The following TMEM70 variants were observed in gnomAD, a reference collection of about 807,000 sequenced individuals.
TMEM70 encodes the protein transmembrane protein 70.
In TMEM70, 15 loss-of-function variants were observed where a neutral mutation model predicts 20.5. The observed-to-expected ratio is 0.73, with a 90% CI of 0.49 to 1.13. The LOEUF (loss-of-function observed/expected upper bound fraction) is 1.13. Ranked by LOEUF, TMEM70 falls within the 50% of genes most tolerant of loss-of-function variation. TMEM70 has a pLI of 0.00. For synonymous variants in TMEM70, 141 were observed against 134.2 expected (o/e 1.05, Z -0.35); for missense variants, 344 against 331.7 (o/e 1.04, Z -0.29).
rs1244926644 is a variant in TMEM70 at position 73,982,731 on chromosome 8, G to C, written c.*1110G>C. On this transcript the variant is annotated 3_prime_UTR_variant, in exon 3 of 3. Transcript: ENST00000312184. ...TTCTGCAACTGTGCACTCCTCCCTTGGTGGCACCCTATGGGTGTAGGAAAA... is the reference window on the plus strand; with the variant it reads ...TTCTGCAACTGTGCACTCCTCCCTTCGTGGCACCCTATGGGTGTAGGAAAA... The C allele has an allele frequency of 6.6e-6, 3 of 455,108 alleles. No homozygotes were observed. Among genetic ancestry groups the C allele is most frequent in the African/African-American group, 2.0e-5 (1 of 50,046 alleles). 28.2% of individuals were successfully genotyped at this position (455,108 alleles called of 1,614,324 possible). A position where few individuals can be genotyped will look rare whatever the true frequency, so the allele number is the denominator to read the frequency against.
rs775211044 is a variant in TMEM70 at position 73,981,427 on chromosome 8, C to A, written c.589C>A (p.Gln197Lys). The change falls in exon 3 of 3, where the codon CAG (glutamine) becomes AAG (lysine). Residue 197 changes from glutamine (Q) to lysine (K), a missense_variant. Physicochemically the swap from Gln to Lys is moderately conservative, Grantham distance 53 (BLOSUM62 1). Transcript: ENST00000312184. ...TGCAGAAACGAGTACAGTGTTTCAC[C>A]AGAATGATGTGAAGATTCCAGATGC... ...MLAETSTVFH[Q>K]NDVKIPDAKH... 6.8e-6 allele frequency: 11 copies of A among 1,614,026 alleles called. No homozygotes were observed. The African/African-American group carries it at 1.5e-4, about 22-fold the overall frequency.
Position 73,981,536 on chromosome 8 carries a change from T to G in TMEM70, c.698T>G (p.Ile233Ser). The change falls in exon 3 of 3, where the codon ATC (isoleucine) becomes AGC (serine). Residue 233 changes from isoleucine to serine, a missense_variant. By Grantham distance (142) the Ile-to-Ser change is moderately radical. Coordinates refer to ENST00000312184, the MANE Select transcript of TMEM70 (RefSeq NM_017866.6). The part of the protein sequence containing the change: ...PVLFPNREDY[I>S]HLMGYDKEEF... The stretch of plus-strand genomic sequence containing the variant: ...CTCTTTCCAAACCGTGAAGACTATA[T>G]CCATCTAATGGGTTATGACAAAGAA... The G allele has an allele frequency of 6.2e-7, 1 of 1,613,858 alleles. No individual in the cohort carries two copies. The highest frequency in any genetic ancestry group is 8.5e-7 in the Non-Finnish European group (1 of 1,179,824).
At chr8:73,979,150 C>T in intron 2 of TMEM70, 1 of 495,458 alleles carries the variant, frequency 2.0e-6, no homozygotes, top group Non-Finnish European at 3.9e-6. Context: ...TCTCCTGGCT[C>T]AGCCTCCTGC....
chr8:73,982,340 A>G lies in TMEM70; in HGVS notation c.*719A>G. The G allele has an allele frequency of 1.4e-6, 1 of 696,798 alleles. No homozygotes were observed. The highest frequency in any genetic ancestry group is 1.3e-5 in the South Asian group (1 of 74,384). The allele number at this position is 696,798 out of a possible 1,614,324, so 43.2% of individuals were successfully genotyped here. A position where few individuals can be genotyped will look rare whatever the true frequency, so the allele number is the denominator to read the frequency against. On this transcript the variant is annotated 3_prime_UTR_variant, in exon 3 of 3. Transcript: ENST00000312184. ...AAGAAAAACTTACGGTGAAGGTTCT[A>G]AGGCATGGGATCGTTTCCAGATGAG...
chr8:73,980,611 A>G (rs1586636354), intron 2 of TMEM70, among the ~76,000 whole-genome samples: 1 of 151,504 alleles, frequency 6.6e-6, no homozygotes, highest in East Asian at 2.0e-4. Flanking sequence ...CAAATGACCC[A>G]CCTGCCTCAG....
rs371278972 is a variant in TMEM70, at chr8:73,981,573, G to C, written c.735G>C (p.Leu245Phe). The C allele has an allele frequency of 6.2e-7, 1 of 1,613,118 alleles. No individual in the cohort carries two copies. Among genetic ancestry groups the C allele is most frequent in the African/African-American group, 1.3e-5 (1 of 74,996 alleles). ...GTTATGACAAAGAAGAATTTATTTT[G>C]TATATGGAAGAAACCAGTGAAGAGA... Reference protein sequence around the residue: ...LMGYDKEEFILYMEETSEEKR... With the variant: ...LMGYDKEEFIFYMEETSEEKR... The change falls in exon 3 of 3, where the codon TTG (leucine) becomes TTC (phenylalanine). Residue 245 changes from leucine to phenylalanine, a missense_variant. Physicochemically the swap from Leu to Phe is conservative, Grantham distance 22. Coordinates refer to ENST00000312184, the MANE Select transcript of TMEM70 (RefSeq NM_017866.6).
Position 73,981,345 on chromosome 8 carries a change from A to G in TMEM70, c.507A>G (p.Arg169=). The change falls in exon 3 of 3, where the codon CGA becomes CGG. Residue 169 remains arginine (R), a synonymous_variant. Transcript: ENST00000312184. ...LHFITKGYVI[R]LYHEATTDTY... is the part of the protein sequence containing the mutation. ...TTATTACAAAAGGCTATGTCATTCG[A>G]TTGTACCATGAGGCCACAACAGACA... 1.2e-6 allele frequency: 2 copies of G among 1,614,204 alleles called. No homozygotes were observed. The highest frequency in any genetic ancestry group is 1.7e-6 in the Non-Finnish European group (2 of 1,180,042).
chr8:73,976,445 G>A lies in TMEM70; in HGVS notation c.164G>A (p.Gly55Glu). 2 of 1,561,912 alleles carry A rather than the reference G, an allele frequency of 1.3e-6. No individual in the cohort carries two copies. The highest frequency in any genetic ancestry group is 1.7e-6 in the Non-Finnish European group (2 of 1,160,696). ...GGGCCGGTAGCCGGCTGGAGTACGG[G>A]GCCTTCGGGAGCCGCGCGCCTTCTC... The part of the protein sequence containing the change: ...PSGPVAGWST[G>E]PSGAARLLRR... The change falls in exon 1 of 3, where the codon GGG (glycine) becomes GAG (glutamate). Residue 55 changes from glycine (G) to glutamate (E), a missense_variant. Transcript: ENST00000312184.
intron 2 of TMEM70, 122 bp from the exon 3 acceptor site, chr8:73,981,033 A>T: frequency 1.2e-6 from 1 of 806,904 alleles, no homozygotes; most frequent in South Asian, 1.6e-5. Flanking sequence ...CACTGTATTT[A>T]TGGTTTGATT....
rs1491266121 is a variant in TMEM70 at position 73,982,265 on chromosome 8, TCA to T, written c.*645_*646del. 4 of 602,526 alleles carry T rather than the reference TCA, an allele frequency of 6.6e-6. No individual in the cohort carries two copies. In the East Asian group the frequency reaches 1.2e-4, roughly 18 times the overall value. 37.3% of individuals were successfully genotyped at this position (602,526 alleles called of 1,614,324 possible). A position where few individuals can be genotyped will look rare whatever the true frequency, so the allele number is the denominator to read the frequency against. ...TGATCTGAGGAGCAAAGGAAAAGAA[TCA>T]GTGAAAGGACCAGTTTGAATGCCTA... On this transcript the variant is annotated 3_prime_UTR_variant, in exon 3 of 3. Transcript: ENST00000312184.
rs1380860147 is a variant in TMEM70 at position 73,982,676 on chromosome 8, A to G, written c.*1055A>G. 2.2e-6 allele frequency: 1 copy of G among 461,318 alleles called. No individual in the cohort carries two copies. The highest frequency in any genetic ancestry group is 6.7e-5 in the East Asian group (1 of 14,990). The allele number at this position is 461,318 out of a possible 1,614,324, so 28.6% of individuals were successfully genotyped here. On this transcript the variant is annotated 3_prime_UTR_variant, in exon 3 of 3. Coordinates refer to ENST00000312184, the MANE Select transcript of TMEM70 (RefSeq NM_017866.6). Reference sequence around the variant, plus strand: ...GTGGTTAGCTATACGGGAAATGGTAAGTAGTGTTGTCTTCAGTATCTTAAT... The same window carrying G: ...GTGGTTAGCTATACGGGAAATGGTAGGTAGTGTTGTCTTCAGTATCTTAAT...
chr8:73,976,827 T>A (rs1489929843), intron 1 of TMEM70, among the ~76,000 whole-genome samples: 2 of 152,230 alleles, frequency 1.3e-5, no homozygotes, highest in Non-Finnish European at 1.5e-5. Flanking sequence ...CACCTGGAAA[T>A]AGAACCGAAA....
intron 1 of TMEM70, among the ~76,000 whole-genome samples, chr8:73,977,779 C>T (rs1319406843): frequency 6.6e-6 from 1 of 152,096 alleles, no homozygotes; most frequent in Non-Finnish European, 1.5e-5. Flanking sequence ...GGGCTATAGA[C>T]GTGTTCCATT....
At position 73,982,179 on chromosome 8, in the gene TMEM70, C is replaced by T. The variant is rs1223592884; in HGVS notation, c.*558C>T. 7.3e-6 allele frequency: 4 copies of T among 544,840 alleles called. No individual in the cohort carries two copies. The highest frequency in any genetic ancestry group is 4.9e-5 in the East Asian group (1 of 20,450). The allele number at this position is 544,840 out of a possible 1,614,324, so 33.8% of individuals were successfully genotyped here. A position where few individuals can be genotyped will look rare whatever the true frequency, so the allele number is the denominator to read the frequency against. ...CGTGGAGTCAGAGGTGGCAATTCAC[C>T]GAATTCATATCACTCTAACGAGTTG... On this transcript the variant is annotated 3_prime_UTR_variant, in exon 3 of 3. Coordinates refer to ENST00000312184, the MANE Select transcript of TMEM70 (RefSeq NM_017866.6).
chr8:73,978,625 G>A, intron 1 of TMEM70, 131 bp from the exon 2 acceptor site: 1 of 874,352 alleles, frequency 1.1e-6, no homozygotes, highest in Non-Finnish European at 1.8e-6. Flanking sequence ...GGGAAGCAGA[G>A]GTTGCAATGG....
chr8:73,976,574 C>G, intron 1 of TMEM70, 83 bp downstream of exon 1: 2 of 1,313,718 alleles, frequency 1.5e-6, no homozygotes, highest in Non-Finnish European at 2.0e-6. Flanking sequence ...AGCGGCTCTT[C>G]GCGACCTCTC....
In TMEM70 at chr8:73,982,441, A is replaced by G. The variant is rs1390469535; in HGVS notation, c.*820A>G. The G allele has an allele frequency of 1.3e-6, 1 of 789,008 alleles. No individual in the cohort carries two copies. Among genetic ancestry groups the G allele is most frequent in the Non-Finnish European group, 2.2e-6 (1 of 464,112 alleles). 48.9% of individuals were successfully genotyped at this position (789,008 alleles called of 1,614,324 possible). ...TTACTTCCATCAGTATTGAGCCAGGAGTTGAGATGGAAGTCACCATTGCAA... is the reference window on the plus strand; with the variant it reads ...TTACTTCCATCAGTATTGAGCCAGGGGTTGAGATGGAAGTCACCATTGCAA... On this transcript the variant is annotated 3_prime_UTR_variant, in exon 3 of 3. Coordinates refer to ENST00000312184, the MANE Select transcript of TMEM70 (RefSeq NM_017866.6).
rs1586636643 is a variant in TMEM70 at position 73,981,174 on chromosome 8, T to C, written c.336T>C (p.Tyr112=). The change falls in exon 3 of 3, where the codon TAT becomes TAC. Residue 112 remains tyrosine (Y), a synonymous_variant. Transcript: ENST00000312184. ...ATTTAGGTGTGAAATGTTTCTCTTA[T>C]TCTACGAGTCTGATTGGCCTTACAT... The part of the protein sequence containing the change: ...RAVFGVKCFS[Y]STSLIGLTFL... 1 of 1,614,018 alleles carries C rather than the reference T, an allele frequency of 6.2e-7. No individual in the cohort carries two copies. The highest frequency in any genetic ancestry group is 1.1e-5 in the South Asian group (1 of 91,070).
intron 2 of TMEM70, 50 bp from the exon 3 acceptor site, chr8:73,981,105 C>T: frequency 1.3e-6 from 2 of 1,483,620 alleles, no homozygotes; most frequent in Non-Finnish European, 9.3e-7. Flanking sequence ...TAGATTGATT[C>T]TTTTATAAAA....
Sources: allele counts gnomAD v4.1 joint callset (sites outside exome capture counted in the v4.1 genomes callset), GRCh38; gene constraint gnomAD v4.1.1; transcripts MANE v1.5; gene names NCBI Gene and HGNC (gene_info 2026-07-23, HGNC 2026-07-21).